Variants in CSMD1 observed in about 807,000 individuals in gnomAD.
CSMD1 encodes CUB and sushi domain-containing protein 1.
In CSMD1, 213 loss-of-function variants were observed where a neutral mutation model predicts 417.5. That is an observed-to-expected ratio of 0.51 (90% CI 0.46 to 0.57). The LOEUF (loss-of-function observed/expected upper bound fraction) is 0.57. Among genes scored for constraint, CSMD1 ranks in the 20% least tolerant of loss-of-function variants. The pLI is 0.00. For synonymous variants in CSMD1, 2,862 were observed against 1,736.8 expected (o/e 1.65, Z -16.11); for missense variants, 6,923 against 4,529.7 (o/e 1.53, Z -15.17).
intron 10 of CSMD1, among the ~76,000 whole-genome samples, chr8:3,519,319 T>A (rs1012232324): frequency 2.0e-5 from 3 of 152,182 alleles, no homozygotes; most frequent in Non-Finnish European, 2.9e-5. Flanking sequence ...TACTGTTAGC[T>A]CCAACCCCAA....
At chr8:3,300,226 TAATTA>T (rs1423012402) in intron 25 of CSMD1, among the ~76,000 whole-genome samples, 1 of 141,080 alleles carries the variant, frequency 7.1e-6, no homozygotes, top group Non-Finnish European at 1.6e-5. Flanking sequence ...GCGTAAAAAA[TAATTA>T]AATAAAAAGA....
At chr8:4,559,527 T>A (rs948715451) in intron 2 of CSMD1, among the ~76,000 whole-genome samples, 3 of 152,198 alleles carry the variant, frequency 2.0e-5, no homozygotes, top group African/African-American at 7.2e-5. Flanking sequence ...TCATATTAAG[T>A]TCTTGGAAAC....
At chr8:4,833,001 T>C (rs894860893) in intron 1 of CSMD1, among the ~76,000 whole-genome samples, 5 of 152,180 alleles carry the variant, frequency 3.3e-5, no homozygotes, top group Non-Finnish European at 2.9e-5. Context: ...TGATTTAAAA[T>C]AAATGGACCG....
chr8:4,269,426 G>C (rs1044165503), intron 3 of CSMD1, among the ~76,000 whole-genome samples: 13 of 152,100 alleles, frequency 8.5e-5, no homozygotes, highest in African/African-American at 3.1e-4. Context: ...TTTTGATATT[G>C]AGAATTTTCT....
chr8:3,749,514 G>A (rs968611659), intron 6 of CSMD1, among the ~76,000 whole-genome samples: 3 of 152,184 alleles, frequency 2.0e-5, no homozygotes, highest in South Asian at 2.1e-4. Context: ...ATTTGGAGAT[G>A]AAAGTTAAAA....
intron 5 of CSMD1, among the ~76,000 whole-genome samples, chr8:3,772,328 TATTTAGAC>T (rs1427281327): frequency 0.014 from 981 of 67,814 alleles, 184 homozygotes; most frequent in African/African-American, 0.044. Flanking sequence ...TATGTACATA[TATTTAGAC>T]ATACATATAT....
At position 3,396,211 on chromosome 8, in the gene CSMD1, A is replaced by C; in HGVS notation, c.2576T>G (p.Phe859Cys). The change falls in exon 17 of 70, where the codon TTC (phenylalanine) becomes TGC (cysteine). Residue 859 changes from phenylalanine to cysteine, a missense_variant. By Grantham distance (205) the Phe-to-Cys change is radical. Coordinates refer to ENST00000635120, the MANE Select transcript of CSMD1 (RefSeq NM_033225.6). Reference sequence around the variant, plus strand: ...CAACTCACTCTCATAGTGGATGAGGAAGCCGATGCTGGAGCGGCTGTTGTC... The same window carrying C: ...CAACTCACTCTCATAGTGGATGAGGCAGCCGATGCTGGAGCGGCTGTTGTC... ...TTDNSRSSIG[F>C]LIHYESVTLE... The C allele has an allele frequency of 6.4e-7, 1 of 1,563,320 alleles. No homozygotes were observed. The highest frequency in any genetic ancestry group is 8.7e-7 in the Non-Finnish European group (1 of 1,153,752).
intron 11 of CSMD1, among the ~76,000 whole-genome samples, chr8:3,469,572 C>A (rs1472755392): frequency 6.6e-6 from 1 of 152,050 alleles, no homozygotes; most frequent in African/African-American, 2.4e-5. Context: ...AACATGCTGA[C>A]AGAAAAGCAT....
intron 3 of CSMD1, among the ~76,000 whole-genome samples, chr8:4,131,423 C>A (rs918352809): frequency 6.6e-6 from 1 of 152,126 alleles, no homozygotes; most frequent in Admixed American, 6.5e-5. Context: ...CCACCTCTCT[C>A]TCAACTACCC....
intron 3 of CSMD1, among the ~76,000 whole-genome samples, chr8:4,354,653 C>T (rs10093852): frequency 0.63 from 95,862 of 151,400 alleles, 31,158 homozygotes; most frequent in African/African-American, 0.8. Context: ...ACATGAACAT[C>T]TATGCAGAAT....
At chr8:3,301,034 A>C (rs1449486820) in intron 25 of CSMD1, among the ~76,000 whole-genome samples, 1 of 151,634 alleles carries the variant, frequency 6.6e-6, no homozygotes, top group East Asian at 1.9e-4. Flanking sequence ...GACAATGTTT[A>C]ATGGTACATG....
chr8:4,989,597 G>A (rs1029003742), intron 1 of CSMD1, among the ~76,000 whole-genome samples: 4 of 152,188 alleles, frequency 2.6e-5, no homozygotes, highest in Non-Finnish European at 5.9e-5. Flanking sequence ...AGCGAAGTGA[G>A]CTCAACCAGA....
At chr8:4,346,292 C>G (rs867324441) in intron 3 of CSMD1, among the ~76,000 whole-genome samples, 10 of 152,152 alleles carry the variant, frequency 6.6e-5, no homozygotes, top group African/African-American at 2.4e-4. Context: ...GAAAGATACA[C>G]ATAATTTAAA....
chr8:3,759,807 A>G (rs1797889949), intron 5 of CSMD1, among the ~76,000 whole-genome samples: 1 of 149,398 alleles, frequency 6.7e-6, no homozygotes, highest in Non-Finnish European at 1.5e-5. Flanking sequence ...ACTCGGGAAG[A>G]TGAGGGAGGA....
intron 12 of CSMD1, among the ~76,000 whole-genome samples, chr8:3,422,353 C>T (rs901140935): frequency 5.9e-4 from 90 of 152,192 alleles, no homozygotes; most frequent in African/African-American, 2.2e-3. Flanking sequence ...AGAAGTTAAA[C>T]CTGAAAGAGG....
At position 4,286,463 on chromosome 8, in the gene CSMD1, C is replaced by A. The variant is rs549606993; in HGVS notation, c.415+133490G>T. 1.2e-3 allele frequency among the ~76,000 whole-genome samples: 185 copies of A among 152,148 alleles called. 1 individual carries two copies. Among genetic ancestry groups the A allele is most frequent in the African/African-American group, 4.4e-3 (181 of 41,500 alleles). ...TTAGTCGGTTGCAATATGAATTACC[C>A]ATTGTGCCTCTTCATTTTAATAAGA... is the stretch of plus-strand genomic sequence containing the variant. On this transcript the variant is annotated intron_variant, in intron 3 of 69. Coordinates refer to ENST00000635120, the MANE Select transcript of CSMD1 (RefSeq NM_033225.6).
intron 4 of CSMD1, among the ~76,000 whole-genome samples, chr8:4,008,867 C>T (rs1475800484): frequency 1.3e-5 from 2 of 152,010 alleles, no homozygotes; most frequent in African/African-American, 2.4e-5. Flanking sequence ...GCCTCGGCCT[C>T]CCAAAGTGCT....
chr8:3,309,200 A>G (rs1026719074), intron 23 of CSMD1, among the ~76,000 whole-genome samples: 15 of 152,194 alleles, frequency 9.9e-5, no homozygotes, highest in African/African-American at 3.4e-4. Flanking sequence ...GGGGCCACCT[A>G]TCGGCACTGC....
chr8:3,560,078 C>G (rs796299870), intron 10 of CSMD1, among the ~76,000 whole-genome samples: 23 of 152,168 alleles, frequency 1.5e-4, no homozygotes, highest in African/African-American at 5.5e-4. Flanking sequence ...GATCTGTTCA[C>G]TAGAAAAGAC....
Sources: gnomAD v4.1 joint callset for allele counts (sites outside exome capture counted in the v4.1 genomes callset) on GRCh38, gnomAD v4.1.1 for gene constraint, MANE v1.5 for transcripts, NCBI Gene and HGNC (gene_info 2026-07-23, HGNC 2026-07-21) for gene names.